Variants in SULF2 observed in about 807,000 individuals in gnomAD.
SULF2 encodes the protein extracellular sulfatase Sulf-2.
Under a neutral mutation model 107.7 loss-of-function variants are expected in SULF2, and 52 were observed. The observed-to-expected ratio is 0.48, with a 90% CI of 0.39 to 0.61. SULF2 has a LOEUF of 0.61. Ranked by LOEUF, SULF2 falls within the 20% of genes least tolerant of loss-of-function variation. The pLI is 0.00. For synonymous variants in SULF2, 460 were observed against 464.3 expected (o/e 0.99, Z 0.12); for missense variants, 993 against 1,177.3 (o/e 0.84, Z 2.29).
At chr20:47,773,116 G>A (rs1336151915) in intron 1 of SULF2, among the ~76,000 whole-genome samples, 1 of 152,204 alleles carries the variant, frequency 6.6e-6, no homozygotes, top group African/African-American at 2.4e-5. Flanking sequence ...TGGCCTGGGA[G>A]CTATGTGCGA....
chr20:47,737,331 T>C (rs952811388), intron 2 of SULF2, among the ~76,000 whole-genome samples: 4 of 150,576 alleles, frequency 2.7e-5, no homozygotes, highest in African/African-American at 4.9e-5. Flanking sequence ...AAACACAACA[T>C]TGTTTTTGCA....
At chr20:47,732,984 C>T (rs1165516630) in intron 3 of SULF2, among the ~76,000 whole-genome samples, 1 of 152,202 alleles carries the variant, frequency 6.6e-6, no homozygotes, top group Admixed American at 6.5e-5. Context: ...GATATTTATC[C>T]TGCTTAAACT....
At chr20:47,786,442 C>T (rs1381608541), upstream of SULF2, 1 of 152,166 alleles carries the variant, frequency 6.6e-6, no homozygotes, top group African/African-American at 2.4e-5. Context: ...CTGCCTTTGC[C>T]GAAAGCCTCG....
At chr20:47,755,022 C>G (rs1018868701) in intron 2 of SULF2, among the ~76,000 whole-genome samples, 1 of 151,680 alleles carries the variant, frequency 6.6e-6, no homozygotes, top group Admixed American at 6.6e-5. Flanking sequence ...TTTGTTAAGA[C>G]GGGGGGGGTC....
At chr20:47,667,558 A>C (rs1465419572) in intron 11 of SULF2, among the ~76,000 whole-genome samples, 1 of 152,162 alleles carries the variant, frequency 6.6e-6, no homozygotes, top group Non-Finnish European at 1.5e-5. Flanking sequence ...CCATATGGTC[A>C]GGACGGGCCG....
chr20:47,659,833 T>C (rs546892172), intron 18 of SULF2, 103 bp from the exon 19 acceptor site: 2 of 844,340 alleles, frequency 2.4e-6, no homozygotes, highest in Non-Finnish European at 3.9e-6. Context: ...CACAATCCCA[T>C]GATGCTGATA....
chr20:47,738,105 A>AG (rs1272133874), intron 2 of SULF2, among the ~76,000 whole-genome samples: 2 of 152,154 alleles, frequency 1.3e-5, no homozygotes, highest in East Asian at 3.9e-4. Flanking sequence ...AAGAAAGGCA[A>AG]GAAGGAAGGA....
chr20:47,676,827 G>A lies in SULF2; in HGVS notation c.1251-204C>T, dbSNP rs2087657389. The A allele has an allele frequency of 4.4e-6, 3 of 676,258 alleles. No individual in the cohort carries two copies. In the Admixed American group the frequency reaches 8.9e-5, roughly 20 times the overall value. 41.9% of individuals were successfully genotyped at this position (676,258 alleles called of 1,614,324 possible). A position where few individuals can be genotyped will look rare whatever the true frequency, so the allele number is the denominator to read the frequency against. On this transcript the variant is annotated intron_variant, in intron 9 of 20. Coordinates refer to ENST00000688720, the MANE Select transcript of SULF2 (RefSeq NM_001387048.1). ...ATAAGAAACTTCCCAAATTGCATGA[G>A]TTGGCAATAAATTAAATAAATTGAA...
intron 1 of SULF2, among the ~76,000 whole-genome samples, chr20:47,783,629 A>C (rs1312829696): frequency 6.6e-6 from 1 of 152,202 alleles, no homozygotes; most frequent in Non-Finnish European, 1.5e-5. Flanking sequence ...AAAAGCCATA[A>C]ATTCAAATAA....
chr20:47,761,619 C>T (rs2090422050), intron 1 of SULF2, among the ~76,000 whole-genome samples: 1 of 152,234 alleles, frequency 6.6e-6, no homozygotes, highest in Non-Finnish European at 1.5e-5. Flanking sequence ...CGCGCTCGCA[C>T]TCTCTTTTGA....
intron 2 of SULF2, among the ~76,000 whole-genome samples, chr20:47,751,619 G>A (rs2090159882): frequency 6.6e-6 from 1 of 152,192 alleles, no homozygotes; most frequent in African/African-American, 2.4e-5. Flanking sequence ...TCAGGGAGAT[G>A]GAGGGACAGA....
chr20:47,767,818 A>G (rs2146955338), intron 1 of SULF2, among the ~76,000 whole-genome samples: 1 of 151,958 alleles, frequency 6.6e-6, no homozygotes, highest in South Asian at 2.1e-4. Flanking sequence ...TGTGCCTGTA[A>G]TCTCAGTTAC....
intron 1 of SULF2, among the ~76,000 whole-genome samples, chr20:47,770,053 GT>G (rs56786760): frequency 0.12 from 7,654 of 62,718 alleles, 130 homozygotes; most frequent in East Asian, 0.33. Context: ...ATCTGGTGTA[GT>G]TTTTTTTTTT....
intron 5 of SULF2, chr20:47,689,793 C>G (rs991070880): frequency 5.1e-6 from 1 of 197,338 alleles, no homozygotes; most frequent in African/African-American, 2.3e-5. Context: ...AAACTATAGA[C>G]CCCCTCCTCA....
intron 2 of SULF2, among the ~76,000 whole-genome samples, chr20:47,755,643 T>C (rs1050762479): frequency 2.6e-5 from 4 of 152,188 alleles, no homozygotes; most frequent in African/African-American, 9.7e-5. Context: ...CACTGCCCTA[T>C]CACCCCATCG....
chr20:47,704,084 T>C (rs1002745879), intron 3 of SULF2, among the ~76,000 whole-genome samples: 5 of 152,060 alleles, frequency 3.3e-5, no homozygotes, highest in Non-Finnish European at 5.9e-5. Context: ...GAGCAGGTGG[T>C]TCAGTTGGTG....
At chr20:47,737,498 A>G (rs915164433) in intron 2 of SULF2, among the ~76,000 whole-genome samples, 1 of 152,092 alleles carries the variant, frequency 6.6e-6, no homozygotes. Context: ...CTTCTCCCTG[A>G]GTATTCCCTG....
intron 3 of SULF2, among the ~76,000 whole-genome samples, chr20:47,735,825 G>C (rs2089714996): frequency 6.6e-6 from 1 of 152,122 alleles, no homozygotes. Flanking sequence ...AGCCTCGAGG[G>C]CTGCAGGTCC....
At chr20:47,785,670 C>A (rs2122799359), upstream of SULF2, among the ~76,000 whole-genome samples, 1 of 146,912 alleles carries the variant, frequency 6.8e-6, no homozygotes, top group Non-Finnish European at 1.5e-5. Flanking sequence ...CTTGGCACGG[C>A]GCTACCGCCC....
Sources: gnomAD v4.1 joint callset for allele counts (sites outside exome capture counted in the v4.1 genomes callset) on GRCh38, gnomAD v4.1.1 for gene constraint, MANE v1.5 for transcripts, NCBI Gene and HGNC (gene_info 2026-07-23, HGNC 2026-07-21) for gene names.